CNGA3: variants seen among roughly 807,000 people sequenced by gnomAD.
The protein encoded by CNGA3 is cyclic nucleotide gated channel subunit alpha 3.
In CNGA3, 42 loss-of-function variants were observed where a neutral mutation model predicts 46.6. That is an observed-to-expected ratio of 0.90 (90% CI 0.70 to 1.17). The LOEUF (loss-of-function observed/expected upper bound fraction) is 1.17. Ranked by LOEUF, CNGA3 falls within the 50% of genes most tolerant of loss-of-function variation. The pLI is 0.00. For synonymous variants in CNGA3, 394 were observed against 369.4 expected (o/e 1.07, Z -0.76); for missense variants, 893 against 890.7 (o/e 1.00, Z -0.03).
intron 3 of CNGA3, chr2:98,378,201 G>T (rs760393984): frequency 3.2e-6 from 5 of 1,549,980 alleles, no homozygotes; most frequent in Non-Finnish European, 4.4e-6. Context: ...TCTCCCGGGT[G>T]CTCGTCTGGA....
intron 3 of CNGA3, among the ~76,000 whole-genome samples, chr2:98,379,006 T>G (rs1339257789): frequency 6.6e-6 from 1 of 152,208 alleles, no homozygotes; most frequent in Non-Finnish European, 1.5e-5. Flanking sequence ...GGCTCTCAGT[T>G]CAGAGGCCTG....
At chr2:98,369,544 A>G (rs1692237826) in intron 1 of CNGA3, among the ~76,000 whole-genome samples, 1 of 152,252 alleles carries the variant, frequency 6.6e-6, no homozygotes, top group African/African-American at 2.4e-5. Context: ...AATAGGTGCC[A>G]AATTATAAGA....
At chr2:98,370,627 G>A (rs1011965533) in intron 2 of CNGA3, among the ~76,000 whole-genome samples, 12 of 152,176 alleles carry the variant, frequency 7.9e-5, no homozygotes, top group African/African-American at 2.9e-4. Context: ...GGTAGGAAAT[G>A]GAAATCTGGA....
At chr2:98,364,860 T>C (rs371637282) in intron 1 of CNGA3, among the ~76,000 whole-genome samples, 52 of 152,302 alleles carry the variant, frequency 3.4e-4, no homozygotes, top group African/African-American at 1.2e-3. Flanking sequence ...TATTTCTCCT[T>C]TGCTTATGAA....
chr2:98,366,548 G>A (rs13418831), intron 1 of CNGA3, among the ~76,000 whole-genome samples: 11,175 of 152,328 alleles, frequency 0.073, 613 homozygotes, highest in African/African-American at 0.15. Flanking sequence ...CTCCCCGCAA[G>A]GGGCTCCATC....
intron 1 of CNGA3, among the ~76,000 whole-genome samples, chr2:98,351,723 A>G (rs1052295379): frequency 1.3e-5 from 2 of 152,100 alleles, no homozygotes; most frequent in East Asian, 1.9e-4. Flanking sequence ...CAAAAATGTG[A>G]TGGTCATTAT....
intron 5 of CNGA3, among the ~76,000 whole-genome samples, chr2:98,386,663 G>T (rs1692660909): frequency 6.6e-6 from 1 of 152,156 alleles, no homozygotes; most frequent in East Asian, 1.9e-4. Flanking sequence ...TATCAGGGTG[G>T]GCCCACTGTA....
chr2:98,359,770 C>G (rs917761995), intron 1 of CNGA3, among the ~76,000 whole-genome samples: 1 of 152,228 alleles, frequency 6.6e-6, no homozygotes, highest in Admixed American at 6.5e-5. Flanking sequence ...CCCCACCCCC[C>G]ACAAACAGCT....
chr2:98,364,065 G>T (rs900386310), intron 1 of CNGA3, among the ~76,000 whole-genome samples: 32 of 151,884 alleles, frequency 2.1e-4, no homozygotes, highest in Admixed American at 7.9e-4. Flanking sequence ...TGTGTTTTTT[G>T]ATCTTTGTTG....
chr2:98,383,493 C>G (rs146134398), intron 5 of CNGA3, 52 bp downstream of exon 5: 178 of 1,575,422 alleles, frequency 1.1e-4, no homozygotes, highest in Non-Finnish European at 1.5e-4. Flanking sequence ...TGCCCTCCAC[C>G]CCATAGAAGC....
At chr2:98,347,210 C>G (rs1025388557) in intron 1 of CNGA3, 1 of 152,190 alleles carries the variant, frequency 6.6e-6, no homozygotes, top group African/African-American at 2.4e-5. Flanking sequence ...AATTAAAATT[C>G]TTTTAGGAGT....
intron 1 of CNGA3, among the ~76,000 whole-genome samples, chr2:98,366,526 C>T (rs1301576834): frequency 6.6e-6 from 1 of 152,238 alleles, no homozygotes; most frequent in Non-Finnish European, 1.5e-5. Flanking sequence ...TCAGTGGATA[C>T]CACAGCAGCC....
Position 98,396,430 on chromosome 2 carries a change from C to T in CNGA3, c.1260C>T (p.Ile420=). 1 of 1,613,956 alleles carries T rather than the reference C, an allele frequency of 6.2e-7. No individual in the cohort carries two copies. Among genetic ancestry groups the T allele is most frequent in the Non-Finnish European group, 8.5e-7 (1 of 1,180,040 alleles). The change falls in exon 8 of 8, where the codon ATC becomes ATT. Residue 420 remains isoleucine (I), a synonymous_variant. Transcript: ENST00000272602. ...RAEFQAKIDS[I]KQYMQFRKVT... is the part of the protein sequence containing the mutation. ...AGTTCCAGGCCAAGATTGATTCCATCAAGCAGTACATGCAGTTCCGCAAGG... is the reference window on the plus strand; with the variant it reads ...AGTTCCAGGCCAAGATTGATTCCATTAAGCAGTACATGCAGTTCCGCAAGG...
At chr2:98,358,354 C>A (rs1322904232) in intron 1 of CNGA3, among the ~76,000 whole-genome samples, 4 of 152,196 alleles carry the variant, frequency 2.6e-5, no homozygotes, top group Non-Finnish European at 2.9e-5. Flanking sequence ...ATACCACCAA[C>A]TTGCAACCTC....
chr2:98,388,207 C>T (rs1692699608), intron 5 of CNGA3, among the ~76,000 whole-genome samples: 1 of 152,226 alleles, frequency 6.6e-6, no homozygotes, highest in South Asian at 2.1e-4. Context: ...CAGCCTGCCC[C>T]TTCCATTTGG....
intron 7 of CNGA3, among the ~76,000 whole-genome samples, chr2:98,394,065 G>A (rs868485572): frequency 1.3e-5 from 2 of 151,740 alleles, no homozygotes; most frequent in Middle Eastern, 3.2e-3. Flanking sequence ...TGCTAGACTT[G>A]CCCCCAACTT....
chr2:98,390,429 G>A (rs1692758796), intron 6 of CNGA3, among the ~76,000 whole-genome samples: 1 of 152,074 alleles, frequency 6.6e-6, no homozygotes, highest in African/African-American at 2.4e-5. Flanking sequence ...GATTCCAGGT[G>A]TGAGCCACTG....
intron 1 of CNGA3, among the ~76,000 whole-genome samples, chr2:98,364,808 G>A (rs1692108916): frequency 2.6e-5 from 4 of 152,120 alleles, no homozygotes; most frequent in African/African-American, 9.7e-5. Context: ...AAGTCCTGGT[G>A]CTGATGAATC....
intron 6 of CNGA3, among the ~76,000 whole-genome samples, chr2:98,391,412 G>A (rs942020154): frequency 6.6e-5 from 10 of 152,204 alleles, no homozygotes; most frequent in African/African-American, 2.2e-4. Context: ...AGAGCTGGGG[G>A]TGCTGCCTGT....
Sources: gnomAD v4.1 joint callset for allele counts (sites outside exome capture counted in the v4.1 genomes callset) on GRCh38, gnomAD v4.1.1 for gene constraint, MANE v1.5 for transcripts, NCBI Gene and HGNC (gene_info 2026-07-23, HGNC 2026-07-21) for gene names.